Variants in NOLC1 observed in about 807,000 individuals in gnomAD.
NOLC1 encodes nucleolar and coiled-body phosphoprotein 1.
In NOLC1, 37 loss-of-function variants were observed where a neutral mutation model predicts 73.4. That is an observed-to-expected ratio of 0.50 (90% confidence interval 0.39 to 0.66). NOLC1 has a LOEUF of 0.66. NOLC1 is among the 30% of genes least tolerant of loss of function. The pLI is 0.00. For synonymous variants in NOLC1, 327 were observed against 302.6 expected, an observed-to-expected ratio of 1.08 and a Z score of -0.84; for missense variants, 921 against 838.9, an observed-to-expected ratio of 1.10 and a Z score of -1.21.
At chr10:102,154,184 G>C (rs1052580297) in intron 1 of NOLC1, among the ~76,000 whole-genome samples, 1 of 149,038 alleles carries the variant, frequency 6.7e-6, no homozygotes, top group Non-Finnish European at 1.5e-5. Flanking sequence ...TGATTCTCCT[G>C]CCTCAGCTTC....
chr10:102,161,193 G>C (rs1288728444), intron 10 of NOLC1, 100 bp downstream of exon 10: 1 of 1,270,828 alleles, frequency 7.9e-7, no homozygotes, highest in Admixed American at 2.7e-5. Context: ...CCACCACTGG[G>C]CTTCCAGTTG....
chr10:102,161,633 AC>A lies in NOLC1; in HGVS notation c.1823del (p.Pro608LeufsTer55). On this transcript the variant is annotated frameshift_variant, in exon 11 of 13. Transcript: ENST00000605788. LOFTEE classifies it high-confidence loss of function. The stretch of plus-strand genomic sequence containing the variant: ...TCAGGCCAAGAAGATAAAGCTTCAG[AC>A]CCCTAACACATTTCCAAAAAGGAAG... Reference protein sequence around the residue: ...TPQAKKIKLQTPNTFPKRKKG... With the variant: ...TPQAKKIKLQXPNTFPKRKKG... The A allele has an allele frequency of 1.2e-6, 2 of 1,613,906 alleles. No homozygotes were observed. The highest frequency in any genetic ancestry group is 1.7e-6 in the Non-Finnish European group (2 of 1,179,854).
chr10:102,157,823 G>A (rs2069624493), intron 4 of NOLC1, among the ~76,000 whole-genome samples: 1 of 152,108 alleles, frequency 6.6e-6, no homozygotes, highest in Non-Finnish European at 1.5e-5. Flanking sequence ...AGGGCTCCAA[G>A]AATAAGAGAG....
intron 7 of NOLC1, 86 bp from the exon 8 acceptor site, chr10:102,159,810 G>C: frequency 1.5e-6 from 2 of 1,343,472 alleles, no homozygotes; most frequent in Non-Finnish European, 2.0e-6. Context: ...AAGTGAAGGG[G>C]AATTAAGCTT....
intron 10 of NOLC1, 40 bp downstream of exon 10, chr10:102,161,133 C>G (rs758953245): frequency 2.6e-6 from 4 of 1,550,688 alleles, no homozygotes; most frequent in Non-Finnish European, 3.5e-6. Flanking sequence ...TTTTGTCCCC[C>G]CAAATCAGGA....
chr10:102,157,020 C>T lies in NOLC1; in HGVS notation c.122C>T (p.Thr41Ile). The T allele has an allele frequency of 6.2e-7, 1 of 1,614,090 alleles. No individual in the cohort carries two copies. Among genetic ancestry groups the T allele is most frequent in the Non-Finnish European group, 8.5e-7 (1 of 1,179,944 alleles). Reference sequence around the variant, plus strand: ...TACCCAGCTCTTTTTCTTCTACAGACACAGCAGGATGCCAATGCCTCTTCC... The same window carrying T: ...TACCCAGCTCTTTTTCTTCTACAGATACAGCAGGATGCCAATGCCTCTTCC... ...ANKFAKATGATQQDANASSLL... is the reference protein window; with the variant it reads ...ANKFAKATGAIQQDANASSLL... The change falls in exon 2 of 13, where the codon ACA (threonine) becomes ATA (isoleucine). Residue 41 changes from threonine to isoleucine, a missense_variant and splice_region_variant. Transcript: ENST00000605788.
At position 102,158,166 on chromosome 10, in the gene NOLC1, A is replaced by G; in HGVS notation, c.559A>G (p.Ile187Val). Residue 187 changes from isoleucine to valine, a missense_variant, in exon 5 of 13, where the codon ATA (isoleucine) becomes GTA (valine). By Grantham distance (29) the Ile-to-Val change is conservative. Coordinates refer to ENST00000605788, the MANE Select transcript of NOLC1 (RefSeq NM_004741.5). ...GCCACCAAAGAACCAGAAGCCAAAGATAACACCTGTGACAGTTAAAGCTCA... is the reference window on the plus strand; with the variant it reads ...GCCACCAAAGAACCAGAAGCCAAAGGTAACACCTGTGACAGTTAAAGCTCA... ...DEPPKNQKPK[I>V]TPVTVKAQTK... 1.2e-6 allele frequency: 2 copies of G among 1,614,192 alleles called. No individual in the cohort carries two copies. Among genetic ancestry groups the G allele is most frequent in the South Asian group, 1.1e-5 (1 of 91,086 alleles).
chr10:102,160,717 ATC>A lies in NOLC1; in HGVS notation c.1369_1370del (p.Leu457AlafsTer9). 1 of 1,614,114 alleles carries A rather than the reference ATC, an allele frequency of 6.2e-7. No individual in the cohort carries two copies. The highest frequency in any genetic ancestry group is 8.5e-7 in the Non-Finnish European group (1 of 1,179,964). On this transcript the variant is annotated frameshift_variant, in exon 10 of 13. Coordinates refer to ENST00000605788, the MANE Select transcript of NOLC1 (RefSeq NM_004741.5). LOFTEE classifies it high-confidence loss of function. ...KPKATAKAALSLPAKQAPQGS... is the reference protein window; with the variant it reads ...KPKATAKAALXLPAKQAPQGS... ...CCAAGGCGACTGCCAAAGCAGCTCT[ATC>A]TCTGCCTGCCAAGCAGGCTCCTCAG...
At chr10:102,154,111 G>A (rs534357854) in intron 1 of NOLC1, among the ~76,000 whole-genome samples, 6 of 139,424 alleles carry the variant, frequency 4.3e-5, no homozygotes, top group Non-Finnish European at 6.1e-5. Context: ...TGGCTCTGTC[G>A]CCCAGGCTGG....
intron 5 of NOLC1, 142 bp downstream of exon 5, chr10:102,158,356 G>A: frequency 3.7e-6 from 2 of 533,428 alleles, no homozygotes; most frequent in South Asian, 5.7e-5. Flanking sequence ...TAATTTTAAA[G>A]GTTTTACTAA....
Sources: allele counts gnomAD v4.1 joint callset (sites outside exome capture counted in the v4.1 genomes callset), GRCh38; gene constraint gnomAD v4.1.1; transcripts MANE v1.5; gene names NCBI Gene and HGNC (gene_info 2026-07-23, HGNC 2026-07-21).